The following TRIM2 variants were observed in gnomAD, a reference collection of about 807,000 sequenced individuals.
TRIM2 encodes tripartite motif-containing protein 2.
In TRIM2, 20 loss-of-function variants were observed where a neutral mutation model predicts 75.2. The ratio of observed to expected loss-of-function variants is 0.27; its 90% CI spans 0.19 to 0.39. The LOEUF (loss-of-function observed/expected upper bound fraction) is 0.39, where lower values mean the gene tolerates loss of function less well. Ranked by LOEUF, TRIM2 falls within the 10% of genes least tolerant of loss-of-function variation. TRIM2 has a pLI of 1.00. For synonymous variants in TRIM2, 373 were observed against 388.3 expected (o/e 0.96, Z 0.46); for missense variants, 660 against 990.8 (o/e 0.67, Z 4.48).
At chr4:153,177,085 A>G (rs548100018) in intron 1 of TRIM2, among the ~76,000 whole-genome samples, 1 of 152,198 alleles carries the variant, frequency 6.6e-6, no homozygotes, top group Non-Finnish European at 1.5e-5. Flanking sequence ...TTGTTGGAGA[A>G]TCCCCAGCAA....
chr4:153,235,734 G>A (rs1415730762), intron 1 of TRIM2, among the ~76,000 whole-genome samples: 1 of 152,166 alleles, frequency 6.6e-6, no homozygotes, highest in East Asian at 1.9e-4. Context: ...GAATGTGTCA[G>A]GTTGTTGAAG....
intron 1 of TRIM2, among the ~76,000 whole-genome samples, chr4:153,250,774 C>A (rs1023637306): frequency 6.6e-6 from 1 of 152,208 alleles, no homozygotes; most frequent in African/African-American, 2.4e-5. Flanking sequence ...GGCAGGGAGT[C>A]AGGGGTGCTT....
At chr4:153,269,813 A>G (rs72729610) in intron 1 of TRIM2, among the ~76,000 whole-genome samples, 17,089 of 152,170 alleles carry the variant, frequency 0.11, 1,198 homozygotes, top group Non-Finnish European at 0.17. Flanking sequence ...GATTTTATTG[A>G]TTTACAAAAT....
upstream of TRIM2, among the ~76,000 whole-genome samples, chr4:153,202,828 C>T (rs914152413): frequency 5.3e-5 from 8 of 151,674 alleles, no homozygotes; most frequent in African/African-American, 1.7e-4. Flanking sequence ...AATTTAAGGC[C>T]GGGCGCGGTG....
At chr4:153,294,719 G>A (rs2150140370) in intron 5 of TRIM2, among the ~76,000 whole-genome samples, 1 of 152,288 alleles carries the variant, frequency 6.6e-6, no homozygotes, top group Non-Finnish European at 1.5e-5. Flanking sequence ...TGAATATAAT[G>A]TAATGCTTTT....
intron 6 of TRIM2, among the ~76,000 whole-genome samples, chr4:153,298,688 A>T (rs1346880931): frequency 6.6e-6 from 1 of 152,180 alleles, no homozygotes; most frequent in African/African-American, 2.4e-5. Context: ...TTTATAGAGA[A>T]CACTTACAAT....
At chr4:153,228,587 T>C (rs559694780) in intron 1 of TRIM2, among the ~76,000 whole-genome samples, 185 of 152,366 alleles carry the variant, frequency 1.2e-3, no homozygotes, top group African/African-American at 4.3e-3. Context: ...AGTTACAGAA[T>C]ATGGTCTCCA....
At chr4:153,162,911 G>C (rs1729882249) in intron 1 of TRIM2, among the ~76,000 whole-genome samples, 1 of 152,170 alleles carries the variant, frequency 6.6e-6, no homozygotes, top group Admixed American at 6.5e-5. Context: ...GTGAATTAAA[G>C]AAACAGGTTG....
intron 1 of TRIM2, among the ~76,000 whole-genome samples, chr4:153,191,672 G>T (rs1197432792): frequency 6.6e-6 from 1 of 152,202 alleles, no homozygotes; most frequent in Non-Finnish European, 1.5e-5. Context: ...TTAAACAGTA[G>T]ATTTCCTTCA....
chr4:153,187,361 G>C (rs77906523), intron 1 of TRIM2, among the ~76,000 whole-genome samples: 11,104 of 152,212 alleles, frequency 0.073, 527 homozygotes, highest in African/African-American at 0.12. Flanking sequence ...ATTTACCGAC[G>C]TGGAGGATTA....
intron 6 of TRIM2, chr4:153,307,803 T>G: frequency 2.8e-6 from 2 of 723,828 alleles, no homozygotes; most frequent in Non-Finnish European, 5.2e-6. Flanking sequence ...CTTAGTGTCT[T>G]GCTGGATGTA....
At chr4:153,284,278 C>T (rs917482488) in intron 3 of TRIM2, among the ~76,000 whole-genome samples, 1 of 150,750 alleles carries the variant, frequency 6.6e-6, no homozygotes, top group African/African-American at 2.4e-5. Context: ...TTGGTTTACT[C>T]CAACCTCTGC....
At chr4:153,219,748 G>T (rs1289694266) in intron 1 of TRIM2, among the ~76,000 whole-genome samples, 1 of 152,118 alleles carries the variant, frequency 6.6e-6, no homozygotes, top group Non-Finnish European at 1.5e-5. Context: ...CATGCCTCTG[G>T]TCCCAGCTAC....
chr4:153,225,597 C>T (rs904364771), intron 1 of TRIM2, among the ~76,000 whole-genome samples: 5 of 152,124 alleles, frequency 3.3e-5, no homozygotes, highest in Non-Finnish European at 5.9e-5. Context: ...AAGAAAATGA[C>T]AGGTCTTTTG....
intron 1 of TRIM2, among the ~76,000 whole-genome samples, chr4:153,172,409 G>C (rs1403045648): frequency 6.6e-6 from 1 of 151,990 alleles, no homozygotes; most frequent in African/African-American, 2.4e-5. Flanking sequence ...GGATGGTCTC[G>C]ATCTCCTGAC....
Position 153,226,805 on chromosome 4 carries a change from A to T in TRIM2, c.30+22245A>T, listed in dbSNP as rs146501643. Reference sequence around the variant, plus strand: ...TGAAAAGAGAGATCTAAGACCAAAAATGTGAAAGATTAGAACAAGTTTCCT... The same window carrying T: ...TGAAAAGAGAGATCTAAGACCAAAATTGTGAAAGATTAGAACAAGTTTCCT... On this transcript the variant is annotated intron_variant, in intron 1 of 11. Coordinates refer to ENST00000338700, the MANE Select transcript of TRIM2 (RefSeq NM_015271.5). Among the ~76,000 whole-genome samples the T allele has an allele frequency of 5.6e-3, 860 of 152,342 alleles. 4 individuals carry two copies. Among genetic ancestry groups the T allele is most frequent in the South Asian group, 0.011 (52 of 4,826 alleles).
chr4:153,276,295 G>C, intron 3 of TRIM2, 165 bp downstream of exon 3: 1 of 622,460 alleles, frequency 1.6e-6, no homozygotes, highest in Non-Finnish European at 2.8e-6. Flanking sequence ...CACTTTCTTT[G>C]ACCAGAACTA....
rs528039657 is a variant in TRIM2, at chr4:153,182,533, G to A, written c.-49+29263G>A. ...CACACCCCATGGGATTGTTATTAGGGCTAAGTGAGCTGATTCATATAAATA... is the reference window on the plus strand; with the variant it reads ...CACACCCCATGGGATTGTTATTAGGACTAAGTGAGCTGATTCATATAAATA... On this transcript the variant is annotated intron_variant, in intron 1 of 11. Coordinates refer to the TRIM2 transcript ENST00000437508. Among the ~76,000 whole-genome samples, 18 of 152,294 alleles carry A rather than the reference G, an allele frequency of 1.2e-4. No individual in the cohort carries two copies. In the South Asian group the frequency reaches 3.3e-3, roughly 28 times the overall value.
chr4:153,240,080 C>T (rs938520992), intron 1 of TRIM2, among the ~76,000 whole-genome samples: 7 of 152,028 alleles, frequency 4.6e-5, no homozygotes, highest in Admixed American at 3.9e-4. Context: ...ACAATCCACC[C>T]GTCTCAGCCT....
Sources: gnomAD v4.1 joint callset for allele counts (sites outside exome capture counted in the v4.1 genomes callset) on GRCh38, gnomAD v4.1.1 for gene constraint, MANE v1.5 for transcripts, NCBI Gene and HGNC (gene_info 2026-07-23, HGNC 2026-07-21) for gene names.